The following SDSL variants were observed in gnomAD, a reference collection of about 807,000 sequenced individuals.
SDSL encodes the protein serine dehydratase-like.
A neutral mutation model predicts 27.6 loss-of-function variants in SDSL; 26 were observed. The ratio of observed to expected loss-of-function variants is 0.94; its 90% CI spans 0.69 to 1.31. The LOEUF (loss-of-function observed/expected upper bound fraction) is 1.31, where lower values mean the gene tolerates loss of function less well. Ranked by LOEUF, SDSL falls within the 50% of genes most tolerant of loss-of-function variation. The probability of loss-of-function intolerance (pLI) is 0.00; values close to 1 mark genes in which losing one functional copy is unlikely to be tolerated. For missense variants in SDSL, 431 were observed against 423.5 expected (o/e 1.02, Z -0.16); for synonymous variants, 196 against 180.6 (o/e 1.09, Z -0.69).
In SDSL at chr12:113,436,663, G is replaced by A. The variant is rs965723849; in HGVS notation, c.672-88G>A. The A allele has an allele frequency of 2.2e-5, 29 of 1,332,712 alleles. No homozygotes were observed. The African/African-American group carries it at 4.0e-4, about 18-fold the overall frequency. 82.6% of individuals were successfully genotyped at this position (1,332,712 alleles called of 1,614,324 possible). ...CCAACCAGCCCATGGCAGGATGGGAGGGGGTGGCTGGGGCTGGGGAGAGAC... is the reference window on the plus strand; with the variant it reads ...CCAACCAGCCCATGGCAGGATGGGAAGGGGTGGCTGGGGCTGGGGAGAGAC... On this transcript the variant is annotated intron_variant, in intron 6 of 7. Transcript: ENST00000403593.
Position 113,429,306 on chromosome 12 carries a change from G to T in SDSL, c.354+7G>T, listed in dbSNP as rs890032347. 3 of 1,604,698 alleles carry T rather than the reference G, an allele frequency of 1.9e-6. No individual in the cohort carries two copies. The highest frequency in any genetic ancestry group is 2.6e-6 in the Non-Finnish European group (3 of 1,172,468). On this transcript the variant is annotated splice_region_variant and intron_variant, in intron 4 of 7. Transcript: ENST00000403593. Reference sequence around the variant, plus strand: ...GGTTCAGCTGACTGGAAAGGTAAGGGCTCTGGGAAGGGGAGAACCATCTGG... The same window carrying T: ...GGTTCAGCTGACTGGAAAGGTAAGGTCTCTGGGAAGGGGAGAACCATCTGG...
Position 113,434,209 on chromosome 12 carries a change from C to T in SDSL, c.430C>T (p.His144Tyr), listed in dbSNP as rs1417289166. Residue 144 changes from histidine to tyrosine, a missense_variant, in exon 5 of 8, where the codon CAC becomes TAC. His to Tyr is a moderately conservative substitution (Grantham distance 83). Transcript: ENST00000403593. ...CTGGGAGAATGTCCCCCCGTTTGAC[C>T]ACCCCCTAATATGGTAAGGCTGACG... ...DGWENVPPFDHPLIWKGHASL... is the reference protein window; with the variant it reads ...DGWENVPPFDYPLIWKGHASL... 3 of 1,612,944 alleles carry T rather than the reference C, an allele frequency of 1.9e-6. No individual in the cohort carries two copies. Among genetic ancestry groups the T allele is most frequent in the East Asian group, 2.2e-5 (1 of 44,880 alleles).
At chr12:113,437,631 G>T (rs745500322) in intron 7 of SDSL, among the ~76,000 whole-genome samples, 11 of 152,162 alleles carry the variant, frequency 7.2e-5, no homozygotes, top group Admixed American at 3.3e-4. Context: ...ACTGATGGAT[G>T]GACAGATAGA....
chr12:113,426,520 T>A lies in SDSL; in HGVS notation c.-21-1442T>A, dbSNP rs139974734. On this transcript the variant is annotated intron_variant, in intron 1 of 7. Coordinates refer to ENST00000403593, the MANE Select transcript of SDSL (RefSeq NM_001304993.2). ...GATCATAGTATTGTGATTACATTTTTAAAAAAATTAGCCTCAGTGAGGTAT... is the reference window on the plus strand; with the variant it reads ...GATCATAGTATTGTGATTACATTTTAAAAAAAATTAGCCTCAGTGAGGTAT... Among the ~76,000 whole-genome samples, 740 of 152,314 alleles carry A rather than the reference T, an allele frequency of 4.9e-3. 7 individuals are homozygous for A. Among genetic ancestry groups the A allele is most frequent in the African/African-American group, 0.017 (702 of 41,576 alleles).
intron 5 of SDSL, among the ~76,000 whole-genome samples, chr12:113,434,737 G>T (rs1300283214): frequency 1.3e-5 from 2 of 152,198 alleles, no homozygotes; most frequent in Non-Finnish European, 2.9e-5. Flanking sequence ...AGTTGGGGAG[G>T]GGGCTAAATT....
chr12:113,425,446 G>C (rs1355675445), intron 1 of SDSL, among the ~76,000 whole-genome samples: 1 of 152,118 alleles, frequency 6.6e-6, no homozygotes, highest in Non-Finnish European at 1.5e-5. Flanking sequence ...CTCTGATCTT[G>C]GAACCCCAGC....
chr12:113,422,746 A>C (rs560323955), intron 1 of SDSL: 2 of 152,392 alleles, frequency 1.3e-5, no homozygotes, highest in South Asian at 4.1e-4. Context: ...CTGCCAGCCA[A>C]GGGGCCAGCC....
intron 3 of SDSL, among the ~76,000 whole-genome samples, chr12:113,428,868 C>T (rs1397551483): frequency 6.6e-6 from 1 of 151,878 alleles, no homozygotes. Flanking sequence ...GCCTCCCAAC[C>T]CTAGGGAAAA....
intron 2 of SDSL, 113 bp downstream of exon 2, chr12:113,428,269 G>T: frequency 1.5e-6 from 2 of 1,312,912 alleles, no homozygotes; most frequent in Non-Finnish European, 2.1e-6. Context: ...AACTCGTGCA[G>T]ATGGGAGGGG....
chr12:113,432,292 C>CTT (rs1308164185), intron 4 of SDSL, among the ~76,000 whole-genome samples: 5 of 131,004 alleles, frequency 3.8e-5, no homozygotes, highest in Non-Finnish European at 6.4e-5. Context: ...TTCTTTCTTT[C>CTT]TCTCTCTCTC....
intron 4 of SDSL, among the ~76,000 whole-genome samples, chr12:113,430,548 T>TGG (rs1957909150): frequency 6.6e-6 from 1 of 152,066 alleles, no homozygotes; most frequent in Non-Finnish European, 1.5e-5. Flanking sequence ...CAGTGGCCAC[T>TGG]GGGGGCACGT....
rs750896677 is a variant in SDSL, at chr12:113,436,751, T to C, written c.672T>C (p.Ser224=). 1 of 1,605,396 alleles carries C rather than the reference T, an allele frequency of 6.2e-7. No homozygotes were observed. Among genetic ancestry groups the C allele is most frequent in the South Asian group, 1.1e-5 (1 of 90,250 alleles). The change falls in exon 7 of 8, where the codon AGT becomes AGC. Residue 224 remains serine, a splice_region_variant and synonymous_variant. Coordinates refer to ENST00000403593, the MANE Select transcript of SDSL (RefSeq NM_001304993.2). ...TGCCCCACCCTGCTCTATCCTGCAG[T>C]GTGGCCAAGAGCCTGGGTGCCAAGA... ...GKLVTLPDIT[S]VAKSLGAKTV...
At chr12:113,437,324 G>A (rs979437172) in intron 7 of SDSL, among the ~76,000 whole-genome samples, 9 of 152,314 alleles carry the variant, frequency 5.9e-5, no homozygotes, top group Admixed American at 2.6e-4. Flanking sequence ...CGTGTCCCTA[G>A]GGCCTTCCTG....
chr12:113,436,015 G>A lies in SDSL; in HGVS notation c.671+459G>A, dbSNP rs73430162. Among the ~76,000 whole-genome samples the A allele has an allele frequency of 5.6e-3, 854 of 152,262 alleles. 4 individuals are homozygous for A. Among genetic ancestry groups the A allele is most frequent in the African/African-American group, 0.019 (790 of 41,560 alleles). ...GCACGCCTGTAGTCCTAGCTACTTG[G>A]GAGGCTGAAACGGAAGGTTTGCTTG... On this transcript the variant is annotated intron_variant, in intron 6 of 7. Transcript: ENST00000403593.
intron 4 of SDSL, among the ~76,000 whole-genome samples, chr12:113,430,653 T>C (rs1957910910): frequency 6.6e-6 from 1 of 152,198 alleles, no homozygotes; most frequent in Admixed American, 6.5e-5. Context: ...TTCTGCCATA[T>C]GCTGTTGGCC....
intron 4 of SDSL, among the ~76,000 whole-genome samples, chr12:113,432,655 A>G (rs1593313972): frequency 6.8e-6 from 1 of 148,136 alleles, no homozygotes. Context: ...GTATTTTTCA[A>G]CCTCTGCCAC....
In SDSL at chr12:113,428,071, C is replaced by T. The variant is rs573333893; in HGVS notation, c.89C>T (p.Ala30Val). 3.2e-5 allele frequency: 52 copies of T among 1,613,918 alleles called. No individual in the cohort carries two copies. Among genetic ancestry groups the T allele is most frequent in the African/African-American group, 3.2e-4 (24 of 75,034 alleles). Residue 30 changes from alanine to valine, a missense_variant, in exon 2 of 8, where the codon GCG becomes GTG. By Grantham distance (64) the Ala-to-Val change is moderately conservative. Coordinates refer to ENST00000403593, the MANE Select transcript of SDSL (RefSeq NM_001304993.2). ...LLESWALSQV[A>V]GMPVFLKCEN... is the part of the protein sequence containing the mutation. ...GAGAGCTGGGCGCTGTCCCAGGTGG[C>T]GGGCATGCCTGTCTTCCTCAAGTGT...
At chr12:113,427,044 G>C (rs966105963) in intron 1 of SDSL, 4 of 152,350 alleles carry the variant, frequency 2.6e-5, no homozygotes, top group African/African-American at 9.6e-5. Context: ...CACAGGAAGG[G>C]GGAGTGGGCA....
intron 1 of SDSL, among the ~76,000 whole-genome samples, chr12:113,424,665 G>T (rs930358514): frequency 3.9e-5 from 6 of 151,968 alleles, no homozygotes; most frequent in African/African-American, 1.5e-4. Flanking sequence ...GTGAGATAAC[G>T]TCTCCAGAGG....
Sources: allele counts gnomAD v4.1 joint callset (sites outside exome capture counted in the v4.1 genomes callset), GRCh38; gene constraint gnomAD v4.1.1; transcripts MANE v1.5; gene names NCBI Gene and HGNC (gene_info 2026-07-23, HGNC 2026-07-21).